Variants in DGAT2L6 observed in about 807,000 individuals in gnomAD.
DGAT2L6 encodes the protein diacylglycerol O-acyltransferase 2 like 6.
Under a neutral mutation model 25.5 loss-of-function variants are expected in DGAT2L6, and 22 were observed. That is an observed-to-expected ratio of 0.86 (90% CI 0.62 to 1.23). DGAT2L6 has a LOEUF of 1.23. Ranked by LOEUF, DGAT2L6 falls within the 50% of genes most tolerant of loss-of-function variation. DGAT2L6 has a pLI of 0.00. For missense variants in DGAT2L6, 287 were observed against 253.2 expected, an observed-to-expected ratio of 1.13 and a Z score of -0.91; for synonymous variants, 100 against 94.7, an observed-to-expected ratio of 1.06 and a Z score of -0.32.
rs772507703 is a variant in DGAT2L6 at position 70,200,406 on chromosome X, C to A, written c.419C>A (p.Thr140Asn). The change falls in exon 4 of 7, where the codon ACC becomes AAC. Residue 140 changes from threonine (T) to asparagine (N), a missense_variant. Physicochemically the swap from Thr to Asn is moderately conservative, Grantham distance 65 (BLOSUM62 0). Transcript: ENST00000333026. ...CCATCCATCACTCCCTTTGTAGGGA[C>A]CTTAGAAAGGATATTTTGGATCCCA... ...IFPSITPFVGTLERIFWIPIV... is the reference protein window; with the variant it reads ...IFPSITPFVGNLERIFWIPIV... 4.1e-6 allele frequency: 5 copies of A among 1,210,047 alleles called. No homozygotes were observed. Among genetic ancestry groups the A allele is most frequent in the South Asian group, 1.8e-5 (1 of 56,798 alleles).
At chrX:70,203,975 A>G (rs1008754803) in intron 5 of DGAT2L6, among the ~76,000 whole-genome samples, 2 of 111,237 alleles carry the variant, frequency 1.8e-5, no homozygotes, top group East Asian at 2.9e-4. Flanking sequence ...AGGAAGCAGC[A>G]TGGTGCAAAC....
chrX:70,185,279 C>T (rs974804049), intron 1 of DGAT2L6, among the ~76,000 whole-genome samples: 5 of 111,786 alleles, frequency 4.5e-5, no homozygotes, highest in Non-Finnish European at 3.8e-5. Flanking sequence ...TGACAAAAAT[C>T]CTACCTTTCC....
chrX:70,187,096 C>A (rs1039480702), intron 1 of DGAT2L6, among the ~76,000 whole-genome samples: 1 of 111,662 alleles, frequency 9.0e-6, no homozygotes, highest in African/African-American at 3.3e-5. Context: ...GCAGTCCAGA[C>A]TAGAAAAAAA....
chrX:70,185,838 T>C (rs2085357721), intron 1 of DGAT2L6, among the ~76,000 whole-genome samples: 1 of 110,971 alleles, frequency 9.0e-6, no homozygotes, highest in South Asian at 3.8e-4. Flanking sequence ...AAATTCCTCT[T>C]TGACAAACTA....
chrX:70,197,306 C>T (rs1354514334), intron 1 of DGAT2L6, among the ~76,000 whole-genome samples: 1 of 111,940 alleles, frequency 8.9e-6, no homozygotes, highest in Non-Finnish European at 1.9e-5. Flanking sequence ...TTAAATTCCA[C>T]TTTTGTTACC....
intron 1 of DGAT2L6, among the ~76,000 whole-genome samples, chrX:70,182,386 C>T (rs1467315286): frequency 9.3e-6 from 1 of 108,054 alleles, no homozygotes; most frequent in African/African-American, 3.4e-5. Flanking sequence ...ATCTCAATAT[C>T]CTTTTTCCTG....
Position 70,182,467 on chromosome X carries a change from A to ATTTTT in DGAT2L6, c.85+4801_85+4802insTTTTT, listed in dbSNP as rs1569427581. ...TTACTTCTGGAGGTCTTTCAAAAGC[A>ATTTTT]TCTTTTTTTTTTTTTTTTTTTTTTT... On this transcript the variant is annotated intron_variant, in intron 1 of 6. Coordinates refer to ENST00000333026, the MANE Select transcript of DGAT2L6 (RefSeq NM_198512.3). 1.1e-4 allele frequency among the ~76,000 whole-genome samples: 7 copies of ATTTTT among 63,471 alleles called. 1 individual carries two copies. Among genetic ancestry groups the ATTTTT allele is most frequent in the African/African-American group, 6.0e-4 (7 of 11,734 alleles). The allele number at this position is 63,471 out of a possible 115,157, so 55.1% of individuals were successfully genotyped here.
intron 1 of DGAT2L6, among the ~76,000 whole-genome samples, chrX:70,180,003 A>C (rs944383708): frequency 9.0e-6 from 1 of 111,563 alleles, no homozygotes; most frequent in Non-Finnish European, 1.9e-5. Context: ...TAGAGAGTGT[A>C]TCAGACAACT....
intron 1 of DGAT2L6, among the ~76,000 whole-genome samples, chrX:70,186,587 C>A (rs149812678): frequency 3.3e-4 from 37 of 112,050 alleles, no homozygotes; most frequent in Non-Finnish European, 6.4e-4. Context: ...TGTGTCCCAT[C>A]TTCTGGCTCT....
At position 70,203,824 on chromosome X, in the gene DGAT2L6, T is replaced by G. The variant is rs139072575; in HGVS notation, c.648-481T>G. On this transcript the variant is annotated intron_variant, in intron 5 of 6. Coordinates refer to ENST00000333026, the MANE Select transcript of DGAT2L6 (RefSeq NM_198512.3). Reference sequence around the variant, plus strand: ...AGACAGAGGGAAGAAGGAAGATACTTCCGACAGAGGGAGCAGAATGTACAA... The same window carrying G: ...AGACAGAGGGAAGAAGGAAGATACTGCCGACAGAGGGAGCAGAATGTACAA... Among the ~76,000 whole-genome samples, 995 of 110,384 alleles carry G rather than the reference T, an allele frequency of 9.0e-3. 10 individuals are homozygous for G. The highest frequency in any genetic ancestry group is 0.046 in the East Asian group (160 of 3,468).
rs1417690176 is a variant in DGAT2L6 at position 70,204,386 on chromosome X, G to C, written c.729G>C (p.Arg243Ser). 1 of 1,209,231 alleles carries C rather than the reference G, an allele frequency of 8.3e-7. No individual in the cohort carries two copies. Among genetic ancestry groups the C allele is most frequent in the African/African-American group, 1.8e-5 (1 of 57,005 alleles). The change falls in exon 6 of 7, where the codon AGG becomes AGC. Residue 243 changes from arginine (R) to serine (S), a missense_variant. Coordinates refer to ENST00000333026, the MANE Select transcript of DGAT2L6 (RefSeq NM_198512.3). The stretch of plus-strand genomic sequence containing the variant: ...CCTTCCCTGAGGGCACGTGGTTAAG[G>C]TTGTTCCAAAAAACCTTCCAGGACA... The part of the protein sequence containing the change: ...QETFPEGTWL[R>S]LFQKTFQDTF...
chrX:70,201,493 G>C (rs1024959102), intron 4 of DGAT2L6, among the ~76,000 whole-genome samples: 1 of 111,621 alleles, frequency 9.0e-6, no homozygotes, highest in Non-Finnish European at 1.9e-5. Context: ...GTGGTGGCTA[G>C]TCTCGATTAC....
At chrX:70,199,033 C>G (rs930632395) in intron 1 of DGAT2L6, among the ~76,000 whole-genome samples, 7 of 111,809 alleles carry the variant, frequency 6.3e-5, no homozygotes, top group African/African-American at 1.9e-4. Flanking sequence ...TGGTTCTGCT[C>G]TTTCTTCAAT....
In DGAT2L6 at chrX:70,204,348, T is replaced by C; in HGVS notation, c.691T>C (p.Phe231Leu). The C allele has an allele frequency of 1.7e-6, 2 of 1,210,340 alleles. No homozygotes were observed. The highest frequency in any genetic ancestry group is 2.2e-6 in the Non-Finnish European group (2 of 894,928). ...PSYSFGENEV[F>L]NQETFPEGTW... is the part of the protein sequence containing the mutation. ...ATATTCCTTTGGTGAGAACGAAGTT[T>C]TCAATCAGGAGACCTTCCCTGAGGG... The change falls in exon 6 of 7, where the codon TTC becomes CTC. Residue 231 changes from phenylalanine (F) to leucine (L), a missense_variant. Transcript: ENST00000333026.
At position 70,190,181 on chromosome X, in the gene DGAT2L6, G is replaced by T. The variant is rs1027312521; in HGVS notation, c.86-9090G>T. Among the ~76,000 whole-genome samples the T allele has an allele frequency of 3.6e-5, 4 of 112,222 alleles. No homozygotes were observed. The Admixed American group carries it at 3.8e-4, about 11-fold the overall frequency. On this transcript the variant is annotated intron_variant, in intron 1 of 6. Coordinates refer to ENST00000333026, the MANE Select transcript of DGAT2L6 (RefSeq NM_198512.3). ...ACAAAGATGAAAAAGCAATTCCATG[G>T]AGGATGAATAAGTCTTTTCAAGGAA... is the stretch of plus-strand genomic sequence containing the variant.
intron 1 of DGAT2L6, among the ~76,000 whole-genome samples, chrX:70,195,125 A>C (rs12689556): frequency 0.19 from 20,962 of 111,501 alleles, 1,686 homozygotes; most frequent in South Asian, 0.32. Context: ...AAATAGCCAA[A>C]GGGTATATGA....
At chrX:70,197,747 T>G (rs1183608931) in intron 1 of DGAT2L6, among the ~76,000 whole-genome samples, 4 of 112,374 alleles carry the variant, frequency 3.6e-5, no homozygotes, top group African/African-American at 1.3e-4. Flanking sequence ...TAACTTTAAT[T>G]AGTGATTATT....
chrX:70,203,973 G>T (rs113972410), intron 5 of DGAT2L6, among the ~76,000 whole-genome samples: 2 of 111,340 alleles, frequency 1.8e-5, no homozygotes, highest in African/African-American at 6.5e-5. Context: ...TAAGGAAGCA[G>T]CATGGTGCAA....
chrX:70,193,999 A>G (rs2085383388), intron 1 of DGAT2L6, among the ~76,000 whole-genome samples: 1 of 112,253 alleles, frequency 8.9e-6, no homozygotes, highest in African/African-American at 3.2e-5. Flanking sequence ...AGAAAACCCT[A>G]AAGCCTCCAC....
Sources: gnomAD v4.1 joint callset for allele counts (sites outside exome capture counted in the v4.1 genomes callset) on GRCh38, gnomAD v4.1.1 for gene constraint, MANE v1.5 for transcripts, NCBI Gene and HGNC (gene_info 2026-07-23, HGNC 2026-07-21) for gene names.